CADM2: variants seen among roughly 807,000 people sequenced by gnomAD.
CADM2 encodes cell adhesion molecule 2, also known as immunoglobulin superfamily member 4D.
A neutral mutation model predicts 49.8 loss-of-function variants in CADM2; 12 were observed. The ratio of observed to expected loss-of-function variants is 0.24; its 90% CI spans 0.15 to 0.39. CADM2 has a LOEUF of 0.39. Ranked by LOEUF, CADM2 falls within the 10% of genes least tolerant of loss-of-function variation. CADM2 has a pLI of 1.00. For missense variants in CADM2, 378 were observed against 492.3 expected, an observed-to-expected ratio of 0.77 and a Z score of 2.20; for synonymous variants, 214 against 175.4, an observed-to-expected ratio of 1.22 and a Z score of -1.74.
In CADM2 at chr3:85,680,816, T is replaced by A. The variant is rs572867887; in HGVS notation, c.62-45706T>A. ...TATTCTTCCTTTAAGGCTGCAAAAA[T>A]GGTACAATCAAACTTATCAAAAGGT... On this transcript the variant is annotated intron_variant, in intron 1 of 9. Coordinates refer to ENST00000383699, the MANE Select transcript of CADM2 (RefSeq NM_001167675.2). Among the ~76,000 whole-genome samples the A allele has an allele frequency of 2.6e-5, 4 of 152,246 alleles. No homozygotes were observed. In the South Asian group the frequency reaches 8.3e-4, roughly 32 times the overall value.
chr3:85,631,423 A>C (rs1441561686), intron 1 of CADM2, among the ~76,000 whole-genome samples: 1 of 152,132 alleles, frequency 6.6e-6, no homozygotes, highest in African/African-American at 2.4e-5. Context: ...ATAGCATGCT[A>C]AGGTTGAAAT....
At chr3:85,953,310 G>A (rs561678358) in intron 7 of CADM2, among the ~76,000 whole-genome samples, 52 of 151,008 alleles carry the variant, frequency 3.4e-4, no homozygotes, top group African/African-American at 1.2e-3. Context: ...CATATTAAGT[G>A]CTTTTAACCT....
At chr3:85,698,315 A>T (rs1226225940) in intron 1 of CADM2, among the ~76,000 whole-genome samples, 1 of 152,204 alleles carries the variant, frequency 6.6e-6, no homozygotes, top group Non-Finnish European at 1.5e-5. Flanking sequence ...CAGACTTCTT[A>T]TGTGAAGTCT....
At chr3:85,919,918 G>A (rs913053701) in intron 6 of CADM2, among the ~76,000 whole-genome samples, 11 of 151,782 alleles carry the variant, frequency 7.2e-5, no homozygotes, top group Admixed American at 6.6e-4. Flanking sequence ...TCAGTTGTTC[G>A]TATCTTCTTT....
At chr3:84,972,861 C>T (rs562504941) in intron 1 of CADM2, among the ~76,000 whole-genome samples, 6 of 152,216 alleles carry the variant, frequency 3.9e-5, no homozygotes, top group African/African-American at 1.4e-4. Context: ...ACATAATAAA[C>T]AAATCAAAAT....
chr3:85,247,978 A>T (rs2042687696), intron 1 of CADM2, among the ~76,000 whole-genome samples: 1 of 152,148 alleles, frequency 6.6e-6, no homozygotes, highest in Non-Finnish European at 1.5e-5. Flanking sequence ...CCAAAAATGC[A>T]TATCCATATA....
At chr3:85,707,506 T>G (rs2107727958) in intron 1 of CADM2, among the ~76,000 whole-genome samples, 1 of 152,112 alleles carries the variant, frequency 6.6e-6, no homozygotes, top group African/African-American at 2.4e-5. Context: ...TTCTTTTTAT[T>G]TAATAACATT....
At chr3:85,199,266 T>A (rs2041422700) in intron 1 of CADM2, among the ~76,000 whole-genome samples, 1 of 151,888 alleles carries the variant, frequency 6.6e-6, no homozygotes, top group Non-Finnish European at 1.5e-5. Flanking sequence ...TATTTATGAA[T>A]TTCTCACAAT....
chr3:84,993,803 G>C (rs894666166), intron 1 of CADM2, among the ~76,000 whole-genome samples: 1 of 151,720 alleles, frequency 6.6e-6, no homozygotes, highest in Non-Finnish European at 1.5e-5. Flanking sequence ...TCCTACTATT[G>C]TCTCTAAATG....
rs117307459 is a variant in CADM2 at position 85,466,024 on chromosome 3, A to C, written c.62-260498A>C. Among the ~76,000 whole-genome samples, 160 of 152,324 alleles carry C rather than the reference A, an allele frequency of 1.1e-3. 1 individual carries two copies. The East Asian group carries it at 0.019, about 18-fold the overall frequency. ...ATTTGATCTTCCACTGAACTATCTTATATCCTTGTGGATAAATCGTTTTCT... is the reference window on the plus strand; with the variant it reads ...ATTTGATCTTCCACTGAACTATCTTCTATCCTTGTGGATAAATCGTTTTCT... On this transcript the variant is annotated intron_variant, in intron 1 of 9. Transcript: ENST00000383699.
intron 1 of CADM2, among the ~76,000 whole-genome samples, chr3:85,182,532 C>A (rs1387704117): frequency 1.3e-5 from 2 of 151,878 alleles, no homozygotes; most frequent in African/African-American, 4.8e-5. Context: ...GTGTTGATGA[C>A]AAGGAATCAC....
intron 2 of CADM2, among the ~76,000 whole-genome samples, chr3:85,796,107 A>T (rs2071604413): frequency 6.6e-6 from 1 of 152,176 alleles, no homozygotes; most frequent in African/African-American, 2.4e-5. Flanking sequence ...AGTCTTATTT[A>T]TGTACTGGTT....
intron 3 of CADM2, among the ~76,000 whole-genome samples, chr3:85,811,766 T>C (rs1260305105): frequency 1.3e-5 from 2 of 151,940 alleles, no homozygotes; most frequent in East Asian, 1.9e-4. Flanking sequence ...ACTGAGTAGA[T>C]AGTCACCACC....
intron 1 of CADM2, among the ~76,000 whole-genome samples, chr3:85,404,364 A>G (rs1576492295): frequency 6.6e-6 from 1 of 151,978 alleles, no homozygotes; most frequent in Non-Finnish European, 1.5e-5. Context: ...TGTACATTTG[A>G]TTGATTTTCC....
intron 4 of CADM2, 55 bp downstream of exon 4, chr3:85,883,498 C>A: frequency 7.1e-7 from 1 of 1,417,684 alleles, no homozygotes; most frequent in Non-Finnish European, 9.7e-7. Context: ...ATATATATTG[C>A]TACAGCAACA....
At chr3:85,680,444 A>G (rs962627840) in intron 1 of CADM2, among the ~76,000 whole-genome samples, 10 of 152,184 alleles carry the variant, frequency 6.6e-5, no homozygotes, top group South Asian at 4.1e-4. Flanking sequence ...ATCCCATATA[A>G]TCCGTCTCCA....
intron 1 of CADM2, among the ~76,000 whole-genome samples, chr3:85,501,745 G>C (rs1576667479): frequency 6.6e-6 from 1 of 152,152 alleles, no homozygotes; most frequent in Non-Finnish European, 1.5e-5. Context: ...GCACATATAT[G>C]TATATCTTCG....
In CADM2 at chr3:84,997,143, G is replaced by A. The variant is rs1018094058; in HGVS notation, c.61+37475G>A. Among the ~76,000 whole-genome samples, 6 of 152,064 alleles carry A rather than the reference G, an allele frequency of 3.9e-5. No individual in the cohort carries two copies. The East Asian group carries it at 9.6e-4, about 24-fold the overall frequency. ...ATAGTGTTTAGAAGATACACTGTGC[G>A]AGTTATTTCCTCTGATTTGTCCAAT... On this transcript the variant is annotated intron_variant, in intron 1 of 9. Coordinates refer to ENST00000383699, the MANE Select transcript of CADM2 (RefSeq NM_001167675.2).
At chr3:85,786,100 C>T (rs72908516) in intron 2 of CADM2, among the ~76,000 whole-genome samples, 6,112 of 152,030 alleles carry the variant, frequency 0.04, 391 homozygotes, top group African/African-American at 0.14. Context: ...GTATTTTTTC[C>T]AGGTATCATT....
Sources: gnomAD v4.1 joint callset for allele counts (sites outside exome capture counted in the v4.1 genomes callset) on GRCh38, gnomAD v4.1.1 for gene constraint, MANE v1.5 for transcripts, NCBI Gene and HGNC (gene_info 2026-07-23, HGNC 2026-07-21) for gene names.